Variants in ERG observed in about 807,000 individuals in gnomAD.
The protein encoded by ERG is ETS transcription factor ERG.
ERG carries 9 observed loss-of-function variants against 55.3 expected under a neutral mutation model. That is an observed-to-expected ratio of 0.16 (90% confidence interval 0.10 to 0.28). The LOEUF (loss-of-function observed/expected upper bound fraction) is 0.28, where lower values mean the gene tolerates loss of function less well. Among genes scored for constraint, ERG ranks in the 10% least tolerant of loss-of-function variants. The pLI is 1.00. For synonymous variants in ERG, 223 were observed against 237.3 expected (o/e 0.94, Z 0.55); for missense variants, 434 against 631.6 (o/e 0.69, Z 3.35).
chr21:38,431,382 T>C (rs1412800887), intron 2 of ERG, among the ~76,000 whole-genome samples: 1 of 152,170 alleles, frequency 6.6e-6, no homozygotes, highest in East Asian at 1.9e-4. Context: ...CCTCTGCAAC[T>C]CCAGAGTTCT....
intron 2 of ERG, among the ~76,000 whole-genome samples, chr21:38,512,508 C>T (rs893773060): frequency 7.2e-5 from 11 of 152,046 alleles, no homozygotes; most frequent in East Asian, 1.9e-4. Context: ...ATACACTGTA[C>T]GTCTTTCAAT....
intron 2 of ERG, among the ~76,000 whole-genome samples, chr21:38,562,082 T>C (rs995466257): frequency 3.9e-5 from 6 of 152,214 alleles, no homozygotes; most frequent in Non-Finnish European, 7.3e-5. Context: ...TGCAATTTTA[T>C]GCCTGCAAGC....
intron 1 of ERG, among the ~76,000 whole-genome samples, chr21:38,491,585 AAAAATAAATC>A (rs760690290): frequency 4.6e-5 from 7 of 152,212 alleles, no homozygotes; most frequent in Non-Finnish European, 1.5e-5. Flanking sequence ...GTGGCACTTT[AAAAATAAATC>A]ATTTTGCTTG....
intron 1 of ERG, among the ~76,000 whole-genome samples, chr21:38,495,348 C>A (rs1030677738): frequency 2.6e-5 from 4 of 151,868 alleles, no homozygotes; most frequent in African/African-American, 7.3e-5. Context: ...TCTGTTAATT[C>A]AAAAAAAAGT....
chr21:38,621,846 CCT>C (rs1157186856), intron 1 of ERG, among the ~76,000 whole-genome samples: 6 of 152,334 alleles, frequency 3.9e-5, no homozygotes, highest in East Asian at 3.9e-4. Context: ...TAGATGCTCC[CCT>C]GAGTCCCCAC....
chr21:38,441,339 G>A (rs748958066), intron 2 of ERG, among the ~76,000 whole-genome samples: 7 of 151,806 alleles, frequency 4.6e-5, no homozygotes, highest in African/African-American at 7.2e-5. Context: ...TAAAGGAGAT[G>A]ATGTCAGATA....
Position 38,429,529 on chromosome 21 carries a change from A to G in ERG, c.237-5968T>C, listed in dbSNP as rs547796402. 1.1e-4 allele frequency among the ~76,000 whole-genome samples: 12 copies of G among 112,788 alleles called. 5 individuals are homozygous for G. Among genetic ancestry groups the G allele is most frequent in the Admixed American group, 1.7e-4 (2 of 11,542 alleles). 74.0% of individuals were successfully genotyped at this position (112,788 alleles called of 152,430 possible). ...CATATGTGTATATACATGTATGCAC[A>G]TGTACATATATACATATGTGTATAT... On this transcript the variant is annotated intron_variant, in intron 2 of 9. Coordinates refer to ENST00000288319, the MANE Select transcript of ERG (RefSeq NM_182918.4).
chr21:38,379,938 G>A (rs1274142212), downstream of ERG: 3 of 858,590 alleles, frequency 3.5e-6, no homozygotes, highest in South Asian at 5.4e-5. Context: ...CGATCCACCC[G>A]CCTCTGTCCT....
chr21:38,596,048 T>A (rs2060129020), intron 1 of ERG, among the ~76,000 whole-genome samples: 1 of 53,838 alleles, frequency 1.9e-5, no homozygotes, highest in African/African-American at 6.5e-5. Flanking sequence ...TAAAAATTGG[T>A]GTGGGATTGG....
chr21:38,451,168 T>A (rs1217774884), intron 1 of ERG: 1 of 501,776 alleles, frequency 2.0e-6, no homozygotes, highest in South Asian at 1.5e-5. Context: ...AGAAGAAAGA[T>A]GAAGGGATAA....
chr21:38,535,123 C>T (rs1003051749), intron 2 of ERG, among the ~76,000 whole-genome samples: 4 of 151,906 alleles, frequency 2.6e-5, no homozygotes, highest in Non-Finnish European at 1.5e-5. Flanking sequence ...CACCATCCCC[C>T]AACATACACC....
the ERG span, among the ~76,000 whole-genome samples, chr21:38,370,645 A>G: frequency 6.6e-6 from 1 of 151,788 alleles, no homozygotes; most frequent in South Asian, 2.1e-4. Context: ...CATTATAAAG[A>G]TTTCTAGTTG....
At chr21:38,628,896 G>A (rs2060340708) in intron 1 of ERG, among the ~76,000 whole-genome samples, 1 of 152,192 alleles carries the variant, frequency 6.6e-6, no homozygotes, top group Non-Finnish European at 1.5e-5. Flanking sequence ...TAAAGCAGCA[G>A]TACACAGCTT....
intron 5 of ERG, among the ~76,000 whole-genome samples, chr21:38,401,735 T>C (rs909218159): frequency 6.6e-6 from 1 of 152,184 alleles, no homozygotes; most frequent in Middle Eastern, 3.4e-3. Context: ...GAGCAGCCGG[T>C]GGCCATGCTT....
chr21:38,437,237 A>T (rs1379104680), intron 2 of ERG, among the ~76,000 whole-genome samples: 2 of 151,954 alleles, frequency 1.3e-5, no homozygotes, highest in Non-Finnish European at 2.9e-5. Context: ...AACACAGTCC[A>T]TGATGCAGAT....
intron 1 of ERG, among the ~76,000 whole-genome samples, chr21:38,593,079 G>A (rs989566145): frequency 2.6e-5 from 4 of 152,170 alleles, no homozygotes; most frequent in South Asian, 2.1e-4. Context: ...CAGCCTTGCC[G>A]TTTTGCATGT....
chr21:38,550,581 G>T (rs546219105), intron 2 of ERG, among the ~76,000 whole-genome samples: 1 of 152,304 alleles, frequency 6.6e-6, no homozygotes, highest in South Asian at 2.1e-4. Context: ...ATCAGGAAGA[G>T]AGCCCTCACC....
intron 2 of ERG, among the ~76,000 whole-genome samples, chr21:38,568,586 G>T (rs1203839004): frequency 6.6e-6 from 1 of 152,184 alleles, no homozygotes; most frequent in African/African-American, 2.4e-5. Context: ...TCCTGGGTAA[G>T]CTGGGTTTTT....
intron 1 of ERG, among the ~76,000 whole-genome samples, chr21:38,626,187 G>T (rs773036411): frequency 1.2e-4 from 18 of 152,084 alleles, no homozygotes; most frequent in Non-Finnish European, 2.1e-4. Flanking sequence ...CTCCCAAAGT[G>T]CTGGGATTAC....
Sources: allele counts gnomAD v4.1 joint callset (sites outside exome capture counted in the v4.1 genomes callset), GRCh38; gene constraint gnomAD v4.1.1; transcripts MANE v1.5; gene names NCBI Gene and HGNC (gene_info 2026-07-23, HGNC 2026-07-21).